PLXNA2: variants seen among roughly 807,000 people sequenced by gnomAD.
The protein encoded by PLXNA2 is plexin-A2.
A neutral mutation model predicts 193.5 loss-of-function variants in PLXNA2; 91 were observed. The ratio of observed to expected loss-of-function variants is 0.47; its 90% CI spans 0.40 to 0.56. The LOEUF (loss-of-function observed/expected upper bound fraction) is 0.56. Among genes scored for constraint, PLXNA2 ranks in the 20% least tolerant of loss-of-function variants. The pLI is 0.00. For synonymous variants in PLXNA2, 997 were observed against 1,027.3 expected (o/e 0.97, Z 0.56); for missense variants, 1,995 against 2,503.2 (o/e 0.80, Z 4.33).
At position 208,243,915 on chromosome 1, in the gene PLXNA2, C is replaced by T. The variant is rs1672146326; in HGVS notation, c.-353G>A. On this transcript the variant is annotated 5_prime_UTR_variant, in exon 1 of 32. The change abolishes the stop of an existing upstream ORF in the 5' untranslated region. Coordinates refer to ENST00000367033, the MANE Select transcript of PLXNA2 (RefSeq NM_025179.4). ...CCGGCTGGGCGCTGTCGCCGGCTCT[C>T]AGGGGGCACCCGGAGGCGCCGAGGG... The T allele has an allele frequency of 6.6e-6, 1 of 152,350 alleles. No homozygotes were observed. Among genetic ancestry groups the T allele is most frequent in the African/African-American group, 2.4e-5 (1 of 41,454 alleles). 9.4% of individuals were successfully genotyped at this position (152,350 alleles called of 1,614,324 possible).
chr1:208,097,846 G>A (rs530450382), intron 6 of PLXNA2, among the ~76,000 whole-genome samples: 18 of 152,070 alleles, frequency 1.2e-4, no homozygotes, highest in African/African-American at 4.3e-4. Flanking sequence ...CCATGATGGC[G>A]TAGGTAGGTT....
At chr1:208,107,643 G>A (rs578179735) in intron 4 of PLXNA2, among the ~76,000 whole-genome samples, 7 of 152,138 alleles carry the variant, frequency 4.6e-5, no homozygotes, top group African/African-American at 1.2e-4. Flanking sequence ...AGTGTCCACC[G>A]CGTCGGGCGC....
At chr1:208,031,477 C>A in intron 29 of PLXNA2, 113 bp downstream of exon 29, 1 of 1,424,322 alleles carries the variant, frequency 7.0e-7, no homozygotes, top group South Asian at 1.3e-5. Flanking sequence ...TTGGATCACC[C>A]AGCCCCAGCC....
At chr1:208,030,673 A>G (rs1664475724) in intron 29 of PLXNA2, 1 of 985,388 alleles carries the variant, frequency 1.0e-6, no homozygotes, top group Non-Finnish European at 1.2e-6. Context: ...ATTCCCAAAT[A>G]ACAGCCTGGG....
At chr1:208,215,251 C>T (rs1476985779) in intron 2 of PLXNA2, among the ~76,000 whole-genome samples, 2 of 152,196 alleles carry the variant, frequency 1.3e-5, no homozygotes, top group African/African-American at 2.4e-5. Flanking sequence ...CTACCTTAGC[C>T]TGCCAAAGTG....
intron 1 of PLXNA2, among the ~76,000 whole-genome samples, chr1:208,237,760 G>A (rs558727022): frequency 6.6e-6 from 1 of 152,254 alleles, no homozygotes; most frequent in South Asian, 2.1e-4. Flanking sequence ...TGACCCCCTA[G>A]TACACACTGT....
At chr1:208,085,825 C>T (rs1291053277) in intron 9 of PLXNA2, among the ~76,000 whole-genome samples, 7 of 152,232 alleles carry the variant, frequency 4.6e-5, no homozygotes, top group Admixed American at 2.0e-4. Context: ...TGCCCTCTCC[C>T]TTACAGGATC....
At chr1:208,052,745 A>C (rs1665305465) in intron 14 of PLXNA2, among the ~76,000 whole-genome samples, 1 of 152,152 alleles carries the variant, frequency 6.6e-6, no homozygotes, top group Non-Finnish European at 1.5e-5. Flanking sequence ...CAGAGGTGAC[A>C]CTGACTAATC....
intron 4 of PLXNA2, among the ~76,000 whole-genome samples, chr1:208,129,357 G>A (rs117221225): frequency 0.012 from 1,848 of 152,282 alleles, 56 homozygotes; most frequent in East Asian, 0.091. Context: ...GAGAGCACCA[G>A]GGGCTGGGTG....
Position 208,027,193 on chromosome 1 carries a change from T to A in PLXNA2, c.*50A>T. The A allele has an allele frequency of 6.8e-7, 1 of 1,476,354 alleles. No homozygotes were observed. Among genetic ancestry groups the A allele is most frequent in the Non-Finnish European group, 9.4e-7 (1 of 1,058,526 alleles). 91.5% of individuals were successfully genotyped at this position (1,476,354 alleles called of 1,614,324 possible). On this transcript the variant is annotated 3_prime_UTR_variant, in exon 32 of 32. Coordinates refer to ENST00000367033, the MANE Select transcript of PLXNA2 (RefSeq NM_025179.4). The stretch of plus-strand genomic sequence containing the variant: ...TTGTCCTTCCATCTGAGACTCCCAG[T>A]GTGACAGCTTGGACAGGTCCCTCTT...
chr1:208,148,100 T>C (rs1278068790), intron 3 of PLXNA2, among the ~76,000 whole-genome samples: 2 of 152,184 alleles, frequency 1.3e-5, no homozygotes, highest in African/African-American at 4.8e-5. Flanking sequence ...AATGTCAGCT[T>C]CTTTTCTTGA....
intron 4 of PLXNA2, among the ~76,000 whole-genome samples, chr1:208,124,679 CAAAA>C (rs34909092): frequency 8.7e-5 from 6 of 68,608 alleles, no homozygotes; most frequent in African/African-American, 1.3e-4. Flanking sequence ...AACTCCGTCT[CAAAA>C]AAAAAAAAAA....
At chr1:208,029,186 G>T in intron 29 of PLXNA2, 144 bp from the exon 30 acceptor site, 10 of 1,453,522 alleles carry the variant, frequency 6.9e-6, no homozygotes, top group Non-Finnish European at 9.0e-6. Context: ...TCCAGCCAGG[G>T]TTAATTTAGC....
intron 26 of PLXNA2, 81 bp from the exon 27 acceptor site, chr1:208,034,673 G>A: frequency 2.3e-6 from 2 of 856,036 alleles, no homozygotes; most frequent in Non-Finnish European, 2.0e-6. Context: ...TTTCTAGAGG[G>A]TTATAAGATA....
At chr1:208,175,843 A>G (rs759669134) in intron 3 of PLXNA2, among the ~76,000 whole-genome samples, 1 of 152,206 alleles carries the variant, frequency 6.6e-6, no homozygotes. Flanking sequence ...GAAAGAAGAC[A>G]GGCTGGTTCA....
chr1:208,082,331 T>C lies in PLXNA2; in HGVS notation c.2395+81A>G. The C allele has an allele frequency of 9.5e-7, 1 of 1,052,148 alleles. No homozygotes were observed. The highest frequency in any genetic ancestry group is 1.3e-5 in the South Asian group (1 of 75,024). 65.2% of individuals were successfully genotyped at this position (1,052,148 alleles called of 1,614,324 possible). ...AGTGTATTATTCATGGCACAGCGGC[T>C]GGCTGGCTCTGATCCCTCTAGCCCC... On this transcript the variant is annotated intron_variant, in intron 11 of 31. Transcript: ENST00000367033. The surrounding 1 kb of genome is among the most constrained non-coding windows in gnomAD (Gnocchi z 4.2).
chr1:208,040,130 T>A lies in PLXNA2; in HGVS notation c.4287-72A>T. 3 of 1,248,052 alleles carry A rather than the reference T, an allele frequency of 2.4e-6. No individual in the cohort carries two copies. The Admixed American group carries it at 5.1e-5, about 21-fold the overall frequency. 77.3% of individuals were successfully genotyped at this position (1,248,052 alleles called of 1,614,324 possible). On this transcript the variant is annotated intron_variant, in intron 22 of 31. Coordinates refer to ENST00000367033, the MANE Select transcript of PLXNA2 (RefSeq NM_025179.4). ...TCCGTGGTGGGGCCTGGGCTTGCCA[T>A]GAGGTCTCCCAAGAGAACAATGGAG... is the stretch of plus-strand genomic sequence containing the variant.
intron 3 of PLXNA2, among the ~76,000 whole-genome samples, chr1:208,170,837 T>TAAATAAAATA (rs912483880): frequency 5.2e-4 from 79 of 152,048 alleles, no homozygotes; most frequent in African/African-American, 1.9e-3. Flanking sequence ...AGAAATAAAA[T>TAAATAAAATA]AAATAAAATA....
chr1:208,226,550 G>A (rs1029133885), intron 1 of PLXNA2, among the ~76,000 whole-genome samples: 1 of 152,098 alleles, frequency 6.6e-6, no homozygotes, highest in Non-Finnish European at 1.5e-5. Context: ...TCTTTCTGGG[G>A]CACTGGCTGA....
Sources: allele counts gnomAD v4.1 joint callset (sites outside exome capture counted in the v4.1 genomes callset), GRCh38; gene constraint gnomAD v4.1.1; non-coding constraint Gnocchi (gnomAD v3.1); transcripts MANE v1.5; gene names NCBI Gene and HGNC (gene_info 2026-07-23, HGNC 2026-07-21).